The following CDH4 variants were observed in gnomAD, a reference collection of about 807,000 sequenced individuals.
The protein encoded by CDH4 is cadherin 4.
Under a neutral mutation model 86.0 loss-of-function variants are expected in CDH4, and 33 were observed. That is an observed-to-expected ratio of 0.38 (90% CI 0.29 to 0.51). CDH4 has a LOEUF of 0.51. CDH4 is among the 20% of genes least tolerant of loss of function. The pLI, the probability that CDH4 is intolerant of heterozygous loss-of-function variation, is 0.86. For missense variants in CDH4, 1,114 were observed against 1,307.4 expected, an observed-to-expected ratio of 0.85 and a Z score of 2.28; for synonymous variants, 555 against 549.4, an observed-to-expected ratio of 1.01 and a Z score of -0.14.
intron 2 of CDH4, among the ~76,000 whole-genome samples, chr20:61,605,383 ATCTCTGTC>A (rs1054198240): frequency 2.8e-5 from 4 of 144,554 alleles, no homozygotes; most frequent in East Asian, 2.1e-4. Flanking sequence ...CCCTCTCTGT[ATCTCTGTC>A]TCTCTGTCTC....
chr20:61,596,450 G>A (rs1214572454), intron 2 of CDH4, among the ~76,000 whole-genome samples: 2 of 152,190 alleles, frequency 1.3e-5, no homozygotes, highest in African/African-American at 4.8e-5. Context: ...GCACACTGCT[G>A]GGTGCATGGG....
intron 2 of CDH4, among the ~76,000 whole-genome samples, chr20:61,729,340 C>T (rs571106391): frequency 9.2e-5 from 14 of 152,308 alleles, no homozygotes; most frequent in South Asian, 2.1e-4. Context: ...TCAGTTTCTA[C>T]GGCCACTGTG....
At chr20:61,718,781 ACT>A in intron 2 of CDH4, 1 of 470,798 alleles carries the variant, frequency 2.1e-6, no homozygotes, top group Non-Finnish European at 4.4e-6. Flanking sequence ...GCACACACAC[ACT>A]CTCACCAGCT....
intron 6 of CDH4, among the ~76,000 whole-genome samples, chr20:61,865,222 C>T (rs1983493611): frequency 6.6e-6 from 1 of 152,156 alleles, no homozygotes; most frequent in Non-Finnish European, 1.5e-5. Flanking sequence ...AGGTGATGAA[C>T]TGACTTCCTG....
intron 2 of CDH4, among the ~76,000 whole-genome samples, chr20:61,617,603 A>G (rs760183260): frequency 2.6e-4 from 40 of 152,352 alleles, no homozygotes; most frequent in Non-Finnish European, 4.7e-4. Context: ...TCTGGGGGCG[A>G]CAGCGTGGTC....
At chr20:61,566,880 C>T (rs745567556) in intron 2 of CDH4, among the ~76,000 whole-genome samples, 21 of 152,182 alleles carry the variant, frequency 1.4e-4, no homozygotes, top group Non-Finnish European at 2.4e-4. Context: ...CGATGGCACG[C>T]GGCTCACAGA....
In CDH4 at chr20:61,541,452, T is replaced by C. The variant is rs560377635; in HGVS notation, c.170-202111T>C. 7.2e-5 allele frequency among the ~76,000 whole-genome samples: 11 copies of C among 152,368 alleles called. No individual in the cohort carries two copies. In the South Asian group the frequency reaches 2.1e-3, roughly 29 times the overall value. On this transcript the variant is annotated intron_variant, in intron 2 of 15. Transcript: ENST00000614565. ...ATAGCAAGCACACTGGCTAATTTTCTATCTTAAAAATATTGAATAGAGCTC... is the reference window on the plus strand; with the variant it reads ...ATAGCAAGCACACTGGCTAATTTTCCATCTTAAAAATATTGAATAGAGCTC...
intron 2 of CDH4, among the ~76,000 whole-genome samples, chr20:61,592,580 C>A (rs2086525981): frequency 6.6e-6 from 1 of 152,112 alleles, no homozygotes; most frequent in African/African-American, 2.4e-5. Context: ...TAAAGTGAAC[C>A]CCACAAGAGA....
chr20:61,644,004 A>C (rs2087036802), intron 2 of CDH4, among the ~76,000 whole-genome samples: 1 of 152,256 alleles, frequency 6.6e-6, no homozygotes, highest in African/African-American at 2.4e-5. Context: ...CTGAGGGTTG[A>C]CAGCCAGTGA....
At chr20:61,679,086 G>A (rs544248328) in intron 2 of CDH4, among the ~76,000 whole-genome samples, 22 of 152,328 alleles carry the variant, frequency 1.4e-4, no homozygotes, top group Middle Eastern at 6.8e-3. Flanking sequence ...CCAGAGCCCG[G>A]AAGAGCGAAC....
intron 2 of CDH4, among the ~76,000 whole-genome samples, chr20:61,646,673 G>A (rs2145809199): frequency 6.6e-6 from 1 of 152,362 alleles, no homozygotes; most frequent in South Asian, 2.1e-4. Flanking sequence ...TACAGACACA[G>A]ATCAGGCCTC....
chr20:61,369,718 A>G (rs2084829789), intron 2 of CDH4, among the ~76,000 whole-genome samples: 1 of 151,948 alleles, frequency 6.6e-6, no homozygotes, highest in African/African-American at 2.4e-5. Context: ...TATTAAAATA[A>G]AAGTTAAAAC....
chr20:61,409,916 T>C (rs977466416), intron 2 of CDH4, among the ~76,000 whole-genome samples: 4 of 152,244 alleles, frequency 2.6e-5, no homozygotes, highest in African/African-American at 9.6e-5. Context: ...ACCATCTTAT[T>C]CCATCCTTGC....
chr20:61,318,437 T>A (rs2084489597), intron 2 of CDH4, among the ~76,000 whole-genome samples: 1 of 151,828 alleles, frequency 6.6e-6, no homozygotes, highest in Admixed American at 6.6e-5. Flanking sequence ...TGAACTGACG[T>A]TCTTTTTTTT....
At chr20:61,265,707 G>A (rs534853310) in intron 2 of CDH4, among the ~76,000 whole-genome samples, 18 of 152,304 alleles carry the variant, frequency 1.2e-4, no homozygotes, top group East Asian at 5.8e-4. Flanking sequence ...TCAGTGGTTC[G>A]GGGTGGCATC....
rs1173008603 is a variant in CDH4 at position 61,857,902 on chromosome 20, T to C, written c.877+5004T>C. ...GTGTGTCTGTGTGTGTGTGTGTCTC[T>C]GTGTGCATCTGTGTGTGTGTCAGTG... On this transcript the variant is annotated intron_variant, in intron 6 of 15. Transcript: ENST00000614565. 2.0e-5 allele frequency among the ~76,000 whole-genome samples: 3 copies of C among 151,878 alleles called. No homozygotes were observed. In the East Asian group the frequency reaches 5.8e-4, roughly 29 times the overall value.
At chr20:61,690,676 AGAG>A (rs749994326) in intron 2 of CDH4, among the ~76,000 whole-genome samples, 2 of 151,916 alleles carry the variant, frequency 1.3e-5, no homozygotes, top group Non-Finnish European at 2.9e-5. Flanking sequence ...TGGCAGAATG[AGAG>A]GAGGGCGGGG....
intron 13 of CDH4, among the ~76,000 whole-genome samples, chr20:61,932,044 G>A (rs1449926054): frequency 6.6e-6 from 1 of 152,090 alleles, no homozygotes; most frequent in African/African-American, 2.4e-5. Flanking sequence ...CCCTCTCTGG[G>A]CCCCTATCCT....
In CDH4 at chr20:61,518,463, A is replaced by G. The variant is rs543581600; in HGVS notation, c.170-225100A>G. On this transcript the variant is annotated intron_variant, in intron 2 of 15. Coordinates refer to ENST00000614565, the MANE Select transcript of CDH4 (RefSeq NM_001794.5). The surrounding 1 kb of genome is among the most constrained non-coding windows in gnomAD (Gnocchi z 6.3). ...ATCATCCATCATCCGTCATCCACCC[A>G]TCGTCCATCCATCCATCCTTCCATC... Among the ~76,000 whole-genome samples the G allele has an allele frequency of 2.0e-5, 3 of 151,290 alleles. No homozygotes were observed. In the East Asian group the frequency reaches 5.8e-4, roughly 29 times the overall value.
Sources: allele counts gnomAD v4.1 joint callset (sites outside exome capture counted in the v4.1 genomes callset), GRCh38; gene constraint gnomAD v4.1.1; non-coding constraint Gnocchi (gnomAD v3.1); transcripts MANE v1.5; gene names NCBI Gene and HGNC (gene_info 2026-07-23, HGNC 2026-07-21).